Variants in PPP1R9A observed in about 807,000 individuals in gnomAD.
PPP1R9A encodes protein phosphatase 1 regulatory subunit 9A, also known as neurabin-1.
Under a neutral mutation model 141.9 loss-of-function variants are expected in PPP1R9A, and 59 were observed. The ratio of observed to expected loss-of-function variants is 0.42; its 90% confidence interval spans 0.34 to 0.52. The LOEUF is 0.52. Ranked by LOEUF, PPP1R9A falls within the 20% of genes least tolerant of loss-of-function variation. The probability of loss-of-function intolerance (pLI) is 0.10; values close to 1 mark genes in which losing one functional copy is unlikely to be tolerated. For synonymous variants in PPP1R9A, 500 were observed against 569.7 expected (o/e 0.88, Z 1.74); for missense variants, 1,444 against 1,611.9 (o/e 0.90, Z 1.78).
intron 2 of PPP1R9A, among the ~76,000 whole-genome samples, chr7:95,005,450 A>C (rs1168226060): frequency 3.9e-5 from 6 of 152,172 alleles, no homozygotes; most frequent in Non-Finnish European, 2.9e-5. Flanking sequence ...AATTTTTAGA[A>C]GTTTCAAGGC....
intron 5 of PPP1R9A, among the ~76,000 whole-genome samples, chr7:95,172,927 T>A (rs1395002697): frequency 1.3e-5 from 2 of 151,948 alleles, no homozygotes; most frequent in Admixed American, 6.6e-5. Context: ...GATTTTTTTT[T>A]ATAAAGGTAC....
rs189810582 is a variant in PPP1R9A, at chr7:95,052,947, A to C, written c.1396-58312A>C. Among the ~76,000 whole-genome samples, 121 of 152,064 alleles carry C rather than the reference A, an allele frequency of 8.0e-4. 1 individual carries two copies. Among genetic ancestry groups the C allele is most frequent in the African/African-American group, 2.8e-3 (115 of 41,466 alleles). ...TCTATATCATGCTCTCATCATTTCT[A>C]CCCTGGAAAAGCTCAAAAGCCTGGG... is the stretch of plus-strand genomic sequence containing the variant. On this transcript the variant is annotated intron_variant, in intron 2 of 19. Coordinates refer to ENST00000433360, the MANE Select transcript of PPP1R9A (RefSeq NM_001166160.2).
At chr7:95,028,827 A>G (rs961818941) in intron 2 of PPP1R9A, among the ~76,000 whole-genome samples, 2 of 152,202 alleles carry the variant, frequency 1.3e-5, no homozygotes, top group African/African-American at 4.8e-5. Flanking sequence ...CTGCATTGAC[A>G]TAATAGCCCT....
At chr7:95,006,531 T>C (rs1374254049) in intron 2 of PPP1R9A, among the ~76,000 whole-genome samples, 2 of 152,000 alleles carry the variant, frequency 1.3e-5, no homozygotes, top group Admixed American at 6.6e-5. Flanking sequence ...TTAATGCTTG[T>C]TTATATAAGA....
intron 4 of PPP1R9A, among the ~76,000 whole-genome samples, chr7:95,125,543 C>T (rs1823410224): frequency 6.6e-6 from 1 of 152,080 alleles, no homozygotes; most frequent in Admixed American, 6.6e-5. Flanking sequence ...TTCCATAAAG[C>T]AAAATTAGTT....
At chr7:95,280,379 AC>A (rs375449069) in intron 16 of PPP1R9A, among the ~76,000 whole-genome samples, 107 of 152,324 alleles carry the variant, frequency 7.0e-4, no homozygotes, top group African/African-American at 1.7e-3. Flanking sequence ...GATGCTGAAT[AC>A]TTCACACACC....
intron 4 of PPP1R9A, among the ~76,000 whole-genome samples, chr7:95,151,937 GAATCT>G: frequency 8.5e-6 from 1 of 118,114 alleles, no homozygotes; most frequent in Non-Finnish European, 1.7e-5. Context: ...ATAGTACTGA[GAATCT>G]TTTTTTTTTT....
chr7:95,056,539 T>C (rs1169117169), intron 2 of PPP1R9A, among the ~76,000 whole-genome samples: 1 of 152,138 alleles, frequency 6.6e-6, no homozygotes, highest in Non-Finnish European at 1.5e-5. Context: ...GGTAATCTTA[T>C]GGTGTCACAA....
chr7:95,101,079 C>T (rs1053091823), intron 2 of PPP1R9A, among the ~76,000 whole-genome samples: 212 of 151,928 alleles, frequency 1.4e-3, no homozygotes, highest in Non-Finnish European at 2.4e-3. Context: ...GTCTCGATCT[C>T]CTGACCTCGT....
At chr7:95,159,496 C>T (rs764146784) in intron 4 of PPP1R9A, among the ~76,000 whole-genome samples, 14 of 152,068 alleles carry the variant, frequency 9.2e-5, no homozygotes, top group Admixed American at 3.3e-4. Context: ...ACATGTGCCA[C>T]GGTTGTTTGC....
chr7:95,167,925 G>A (rs1435489605), intron 5 of PPP1R9A, among the ~76,000 whole-genome samples: 18 of 152,230 alleles, frequency 1.2e-4, no homozygotes, highest in Non-Finnish European at 1.5e-5. Flanking sequence ...AAGAGCCCAT[G>A]CTCATGGATT....
Position 94,910,110 on chromosome 7 carries a change from G to A in PPP1R9A, c.-4G>A, listed in dbSNP as rs200657004. 1.3e-6 allele frequency: 2 copies of A among 1,594,686 alleles called. No individual in the cohort carries two copies. Among genetic ancestry groups the A allele is most frequent in the Non-Finnish European group, 1.7e-6 (2 of 1,171,684 alleles). ...AACATTGGCTTTTCACCCCTGAAGT[G>A]AAAATGTTGAAAACTGAGTCTTCAG... On this transcript the variant is annotated 5_prime_UTR_variant, in exon 2 of 20. An upstream open reading frame in the 5' UTR loses its in-frame stop. Transcript: ENST00000433360. The surrounding 1 kb of genome is among the most constrained non-coding windows in gnomAD (Gnocchi z 4.5).
intron 5 of PPP1R9A, among the ~76,000 whole-genome samples, chr7:95,195,921 G>A (rs1047222650): frequency 5.9e-5 from 9 of 152,056 alleles, no homozygotes; most frequent in African/African-American, 1.9e-4. Flanking sequence ...CCAGGCATGG[G>A]GCACATGCTT....
At chr7:94,999,777 T>TTTTATTTATTTATTTA (rs34600036) in intron 2 of PPP1R9A, among the ~76,000 whole-genome samples, 11 of 141,304 alleles carry the variant, frequency 7.8e-5, no homozygotes, top group African/African-American at 2.7e-4. Flanking sequence ...AGATATCTTA[T>TTTTATTTATTTATTTA]TTTATTTATT....
At chr7:94,987,674 G>A (rs1456082080) in intron 2 of PPP1R9A, among the ~76,000 whole-genome samples, 1 of 152,084 alleles carries the variant, frequency 6.6e-6, no homozygotes, top group African/African-American at 2.4e-5. Context: ...ATAGTGGTAT[G>A]GGACATGTAA....
chr7:95,024,007 G>A (rs1260710391), intron 2 of PPP1R9A, among the ~76,000 whole-genome samples: 2 of 152,052 alleles, frequency 1.3e-5, no homozygotes, highest in African/African-American at 4.8e-5. Context: ...CATTGGTTTC[G>A]AAGAAATGTT....
chr7:95,179,519 G>T (rs1299070312), intron 5 of PPP1R9A, among the ~76,000 whole-genome samples: 1 of 152,030 alleles, frequency 6.6e-6, no homozygotes, highest in African/African-American at 2.4e-5. Context: ...GGAAGTCCTA[G>T]CCAGGGCAAT....
At chr7:95,074,586 T>C (rs1157746192) in intron 2 of PPP1R9A, among the ~76,000 whole-genome samples, 1 of 151,838 alleles carries the variant, frequency 6.6e-6, no homozygotes, top group African/African-American at 2.4e-5. Context: ...GTGATTCTGC[T>C]GCCTCAGCCT....
rs775037108 is a variant in PPP1R9A, at chr7:95,284,115, G to A, written c.3394G>A (p.Asp1132Asn). The A allele has an allele frequency of 8.2e-6, 13 of 1,592,078 alleles. No individual in the cohort carries two copies. In the East Asian group the frequency reaches 2.5e-4, roughly 30 times the overall value. ...SPCMPFSWFN[D>N]SRKGSYSFRN... ...TTGCATGCCTTTCTCATGGTTTAATGACAGCCGGAAAGGATCCTATTCCTT... is the reference window on the plus strand; with the variant it reads ...TTGCATGCCTTTCTCATGGTTTAATAACAGCCGGAAAGGATCCTATTCCTT... Residue 1132 changes from aspartate to asparagine, a missense_variant, in exon 17 of 20, where the codon GAC (aspartate) becomes AAC (asparagine). Asp to Asn is a conservative substitution (Grantham distance 23). Transcript: ENST00000433360.
Sources: gnomAD v4.1 joint callset for allele counts (sites outside exome capture counted in the v4.1 genomes callset) on GRCh38, gnomAD v4.1.1 for gene constraint, Gnocchi (gnomAD v3.1) non-coding constraint, MANE v1.5 for transcripts, NCBI Gene and HGNC (gene_info 2026-07-23, HGNC 2026-07-21) for gene names.